The following OTOR variants were observed in gnomAD, a reference collection of about 807,000 sequenced individuals.
The protein encoded by OTOR is fibrocyte-derived protein.
Under a neutral mutation model 15.9 loss-of-function variants are expected in OTOR, and 20 were observed. The ratio of observed to expected loss-of-function variants is 1.26; its 90% CI spans 0.89 to 1.83. The LOEUF (loss-of-function observed/expected upper bound fraction) is 1.83, where lower values mean the gene tolerates loss of function less well. OTOR is among the 40% of genes most tolerant of loss of function. OTOR has a pLI of 0.00. For synonymous variants in OTOR, 53 were observed against 54.2 expected (o/e 0.98, Z 0.09); for missense variants, 184 against 159.0 (o/e 1.16, Z -0.85).
At position 16,751,148 on chromosome 20, in the gene OTOR, A is replaced by G; in HGVS notation, c.*30A>G. ...TTAGTTAAAACTGCAAATAGAAAGA[A>G]AACACCAAAAATAAAGAAAAGAGCA... On this transcript the variant is annotated 3_prime_UTR_variant, in exon 4 of 4. Transcript: ENST00000246081. 2.1e-6 allele frequency: 3 copies of G among 1,458,864 alleles called. No homozygotes were observed. In the South Asian group the frequency reaches 3.8e-5, roughly 19 times the overall value. 90.4% of individuals were successfully genotyped at this position (1,458,864 alleles called of 1,614,324 possible).
At chr20:16,750,080 A>G (rs987208302) in intron 3 of OTOR, 70 bp downstream of exon 3, 10 of 980,130 alleles carry the variant, frequency 1.0e-5, no homozygotes, top group African/African-American at 1.6e-5. Context: ...TTAAAAATGC[A>G]TCATGCAACT....
rs777189135 is a variant in OTOR, at chr20:16,748,883, T to C, written c.132T>C (p.Ala44=). The change falls in exon 2 of 4, where the codon GCT becomes GCC. Residue 44 remains alanine, a synonymous_variant. Coordinates refer to ENST00000246081, the MANE Select transcript of OTOR (RefSeq NM_020157.4). ...DDECVYTISL[A]SAQEDYNAPD... is the part of the protein sequence containing the mutation. ...TTCTTCCAGATACTATTTCTCTGGC[T>C]AGTGCTCAAGAAGATTATAATGCCC... 1 of 1,590,240 alleles carries C rather than the reference T, an allele frequency of 6.3e-7. No individual in the cohort carries two copies. The highest frequency in any genetic ancestry group is 1.2e-5 in the South Asian group (1 of 86,038).
In OTOR at chr20:16,748,511, G is replaced by A; in HGVS notation, c.110G>A (p.Cys37Tyr). Residue 37 changes from cysteine (C) to tyrosine (Y), a missense_variant, in exon 1 of 4, where the codon TGT becomes TAT. By Grantham distance (194) the Cys-to-Tyr change is radical. Transcript: ENST00000246081. ...AAGAAGCTCTGTGCAGATGATGAGT[G>A]TGTCTGTAAGGACTTTTTTATGCTT... The part of the protein sequence containing the change: ...ASKKLCADDE[C>Y]VYTISLASAQ... 1 of 1,577,090 alleles carries A rather than the reference G, an allele frequency of 6.3e-7. No homozygotes were observed. The highest frequency in any genetic ancestry group is 8.7e-7 in the Non-Finnish European group (1 of 1,147,478).
rs1568759329 is a variant in OTOR at position 16,750,027 on chromosome 20, T to C, written c.363+17T>C. Reference sequence around the variant, plus strand: ...CCCACCACGGTAAGCATCTCAAAAGTGACTAGACAAGGACTCAGATCTTGG... The same window carrying C: ...CCCACCACGGTAAGCATCTCAAAAGCGACTAGACAAGGACTCAGATCTTGG... On this transcript the variant is annotated intron_variant, in intron 3 of 3. Coordinates refer to ENST00000246081, the MANE Select transcript of OTOR (RefSeq NM_020157.4). The C allele has an allele frequency of 6.6e-7, 1 of 1,522,890 alleles. No individual in the cohort carries two copies. Among genetic ancestry groups the C allele is most frequent in the South Asian group, 1.1e-5 (1 of 88,692 alleles). The allele number at this position is 1,522,890 out of a possible 1,614,324, so 94.3% of individuals were successfully genotyped here.
rs17686413 is a variant in OTOR at position 16,748,371 on chromosome 20, C to G, written c.-31C>G. 56,389 of 1,439,744 alleles carry G rather than the reference C, an allele frequency of 0.039. 1,267 individuals are homozygous for G. The highest frequency in any genetic ancestry group is 0.044 in the Middle Eastern group (253 of 5,726). 89.2% of individuals were successfully genotyped at this position (1,439,744 alleles called of 1,614,324 possible). On this transcript the variant is annotated 5_prime_UTR_variant, in exon 1 of 4. Coordinates refer to ENST00000246081, the MANE Select transcript of OTOR (RefSeq NM_020157.4). ...ACTGAAGTCAGTCCCCGCTTCCAGT[C>G]AGAGTTCAAGTTAAAACAGAAAAAA...
chr20:16,748,515 C>G lies in OTOR; in HGVS notation c.114C>G (p.Val38=). ...SKKLCADDEC[V]YTISLASAQE... is the part of the protein sequence containing the mutation. ...AGCTCTGTGCAGATGATGAGTGTGT[C>G]TGTAAGGACTTTTTTATGCTTTTCA... Residue 38 remains valine, a splice_region_variant and synonymous_variant, in exon 1 of 4, where the codon GTC becomes GTG. Coordinates refer to ENST00000246081, the MANE Select transcript of OTOR (RefSeq NM_020157.4). 6.4e-7 allele frequency: 1 copy of G among 1,553,520 alleles called. No individual in the cohort carries two copies. The highest frequency in any genetic ancestry group is 8.9e-7 in the Non-Finnish European group (1 of 1,128,696).
In OTOR at chr20:16,748,940, G is replaced by T. The variant is rs142539100; in HGVS notation, c.189G>T (p.Gly63=). 4.0e-4 allele frequency: 644 copies of T among 1,612,412 alleles called. No homozygotes were observed. The highest frequency in any genetic ancestry group is 5.1e-4 in the Non-Finnish European group (604 of 1,179,134). The part of the protein sequence containing the change: ...PDCRFINVKK[G]QQIYVYSKLV... ...GTAGATTCATTAACGTTAAAAAAGG[G>T]CAGCAGATCTATGTGTACTCAAAGC... Residue 63 remains glycine, a synonymous_variant, in exon 2 of 4, where the codon GGG becomes GGT. Transcript: ENST00000246081.
chr20:16,748,810 T>C (rs540581914), intron 1 of OTOR, 57 bp from the exon 2 acceptor site: 1 of 1,353,844 alleles, frequency 7.4e-7, no homozygotes, highest in South Asian at 1.5e-5. Flanking sequence ...CATTGCCTTT[T>C]ACTGTTATAA....
Position 16,751,305 on chromosome 20 carries a change from T to C in OTOR, c.*187T>C. On this transcript the variant is annotated 3_prime_UTR_variant, in exon 4 of 4. Coordinates refer to ENST00000246081, the MANE Select transcript of OTOR (RefSeq NM_020157.4). ...GATTTTCAACTCAAATCTTGTTTCC[T>C]GCTGGCCTGGTCTGCCCACGAGCTA... 1.8e-6 allele frequency: 1 copy of C among 567,052 alleles called. No homozygotes were observed. Among genetic ancestry groups the C allele is most frequent in the Non-Finnish European group, 3.1e-6 (1 of 324,762 alleles). 35.1% of individuals were successfully genotyped at this position (567,052 alleles called of 1,614,324 possible).
chr20:16,748,774 T>C lies in OTOR; in HGVS notation c.116-93T>C, dbSNP rs2072508806. ...CTATGAACTGGGAATTATCAGTCACTCTGATTTTCTAGTTTTTCTAATATA... is the reference window on the plus strand; with the variant it reads ...CTATGAACTGGGAATTATCAGTCACCCTGATTTTCTAGTTTTTCTAATATA... On this transcript the variant is annotated intron_variant, in intron 1 of 3. Coordinates refer to ENST00000246081, the MANE Select transcript of OTOR (RefSeq NM_020157.4). 4 of 964,696 alleles carry C rather than the reference T, an allele frequency of 4.1e-6. No individual in the cohort carries two copies. In the South Asian group the frequency reaches 7.6e-5, roughly 18 times the overall value. The allele number at this position is 964,696 out of a possible 1,614,324, so 59.8% of individuals were successfully genotyped here.
At chr20:16,750,516 A>C (rs2072523046) in intron 3 of OTOR, among the ~76,000 whole-genome samples, 1 of 148,044 alleles carries the variant, frequency 6.8e-6, no homozygotes, top group Admixed American at 6.7e-5. Flanking sequence ...CTTGCAAAGC[A>C]GTCTATGTAA....
chr20:16,749,300 G>T (rs1459967764), intron 2 of OTOR: 20 of 226,914 alleles, frequency 8.8e-5, no homozygotes, highest in Non-Finnish European at 4.2e-5. Context: ...GAGAAGATTT[G>T]CCAAGTAGAA....
chr20:16,751,005 A>G, intron 3 of OTOR, 90 bp from the exon 4 acceptor site: 1 of 981,778 alleles, frequency 1.0e-6, no homozygotes, highest in South Asian at 1.6e-5. Context: ...AATTTCTCTG[A>G]TTAGATATGA....
intron 1 of OTOR, 123 bp downstream of exon 1, chr20:16,748,639 TG>T: frequency 1.4e-6 from 1 of 732,800 alleles, no homozygotes; most frequent in Non-Finnish European, 2.3e-6. Flanking sequence ...TTATCAGCTT[TG>T]TTTCTTCTGG....
rs527326053 is a variant in OTOR at position 16,751,279 on chromosome 20, G to A, written c.*161G>A. On this transcript the variant is annotated 3_prime_UTR_variant, in exon 4 of 4. Coordinates refer to ENST00000246081, the MANE Select transcript of OTOR (RefSeq NM_020157.4). ...GGGGTTGGAGGTGGCAGATAAAAGA[G>A]GATTTTCAACTCAAATCTTGTTTCC... is the stretch of plus-strand genomic sequence containing the variant. 9 of 576,146 alleles carry A rather than the reference G, an allele frequency of 1.6e-5. No individual in the cohort carries two copies. Among genetic ancestry groups the A allele is most frequent in the Admixed American group, 3.7e-5 (1 of 26,832 alleles). The allele number at this position is 576,146 out of a possible 1,614,324, so 35.7% of individuals were successfully genotyped here. A position where few individuals can be genotyped will look rare whatever the true frequency, so the allele number is the denominator to read the frequency against.
chr20:16,752,043 AC>A lies in OTOR; in HGVS notation c.*926del, dbSNP rs2072531736. ...CAGGTTTTGTGGTCCTGATGGGCCC[AC>A]AAGTTTTTCTATATTTAACTGGAAA... On this transcript the variant is annotated 3_prime_UTR_variant, in exon 4 of 4. Transcript: ENST00000246081. 6.6e-6 allele frequency: 1 copy of A among 152,192 alleles called. No homozygotes were observed. The highest frequency in any genetic ancestry group is 2.1e-4 in the South Asian group (1 of 4,830). 9.4% of individuals were successfully genotyped at this position (152,192 alleles called of 1,614,324 possible).
At position 16,749,149 on chromosome 20, in the gene OTOR, T is replaced by G. The variant is rs151324684; in HGVS notation, c.255+143T>G. On this transcript the variant is annotated intron_variant, in intron 2 of 3. Transcript: ENST00000246081. ...TGGAAATGCAAAAATTCAGGTATATTTGCTATTGCATTTTAAAGAAAGAAA... is the reference window on the plus strand; with the variant it reads ...TGGAAATGCAAAAATTCAGGTATATGTGCTATTGCATTTTAAAGAAAGAAA... The G allele has an allele frequency of 5.0e-5, 24 of 476,076 alleles. No individual in the cohort carries two copies. The East Asian group carries it at 8.0e-4, about 16-fold the overall frequency. 29.5% of individuals were successfully genotyped at this position (476,076 alleles called of 1,614,324 possible).
chr20:16,748,609 A>T, intron 1 of OTOR, 93 bp downstream of exon 1: 1 of 814,456 alleles, frequency 1.2e-6, no homozygotes, highest in Non-Finnish European at 2.0e-6. Flanking sequence ...CTTTGAAGTG[A>T]ATCTTCTCCA....
chr20:16,748,424 T>C lies in OTOR; in HGVS notation c.23T>C (p.Phe8Ser). The C allele has an allele frequency of 6.2e-7, 1 of 1,612,878 alleles. No individual in the cohort carries two copies. The highest frequency in any genetic ancestry group is 8.5e-7 in the Non-Finnish European group (1 of 1,178,888). MARILLL[F>S]LPGLVAVCAV... ...AAGATGGCAAGAATATTGTTACTTT[T>C]CCTCCCGGGTCTTGTGGCTGTATGT... The change falls in exon 1 of 4, where the codon TTC (phenylalanine) becomes TCC (serine). Residue 8 changes from phenylalanine to serine, a missense_variant. Physicochemically the swap from Phe to Ser is radical, Grantham distance 155 (BLOSUM62 -2). Coordinates refer to ENST00000246081, the MANE Select transcript of OTOR (RefSeq NM_020157.4).
Sources: gnomAD v4.1 joint callset for allele counts (sites outside exome capture counted in the v4.1 genomes callset) on GRCh38, gnomAD v4.1.1 for gene constraint, MANE v1.5 for transcripts, NCBI Gene and HGNC (gene_info 2026-07-23, HGNC 2026-07-21) for gene names.